Variants in ANKRD24 observed in about 807,000 individuals in gnomAD.
The protein encoded by ANKRD24 is ankyrin repeat domain 24.
ANKRD24 carries 109 observed loss-of-function variants against 127.8 expected under a neutral mutation model. That is an observed-to-expected ratio of 0.85 (90% CI 0.73 to 1.00). The LOEUF is 1.00. Ranked by LOEUF, ANKRD24 falls within the 50% of genes least tolerant of loss-of-function variation. The pLI is 0.00. For missense variants in ANKRD24, 1,648 were observed against 1,570.2 expected (o/e 1.05, Z -0.84); for synonymous variants, 743 against 671.1 (o/e 1.11, Z -1.66).
chr19:4,212,602 G>A lies in ANKRD24; in HGVS notation c.1101G>A (p.Val367=). 6 of 1,550,836 alleles carry A rather than the reference G, an allele frequency of 3.9e-6. No individual in the cohort carries two copies. The highest frequency in any genetic ancestry group is 5.2e-6 in the Non-Finnish European group (6 of 1,146,920). ...ASSLHILERQ[V]QELQQLLVER... ...TGAGCCTCCACTGCTGCTCCCAGGT[G>A]CAAGAGCTACAGCAGTTGCTGGTGG... The change falls in exon 15 of 22, where the codon GTG becomes GTA. Residue 367 remains valine, a splice_region_variant and synonymous_variant. Coordinates refer to ENST00000318934, the MANE Select transcript of ANKRD24 (RefSeq NM_001393985.1).
chr19:4,221,268 G>T (rs60430114), intron 19 of ANKRD24, among the ~76,000 whole-genome samples: 52,108 of 151,284 alleles, frequency 0.34, 10,186 homozygotes, highest in East Asian at 0.46. Flanking sequence ...GTAGAGACTG[G>T]GTTTCACCAT....
At chr19:4,206,415 A>G (rs1455062617) in intron 7 of ANKRD24, among the ~76,000 whole-genome samples, 1 of 151,648 alleles carries the variant, frequency 6.6e-6, no homozygotes, top group Non-Finnish European at 1.5e-5. Context: ...CAGGAGTTCA[A>G]GAAAAGCCTG....
rs1968991375 is a variant in ANKRD24, at chr19:4,199,854, A to T, written c.124-21A>T. 6.4e-7 allele frequency: 1 copy of T among 1,556,198 alleles called. No homozygotes were observed. Among genetic ancestry groups the T allele is most frequent in the African/African-American group, 1.4e-5 (1 of 73,322 alleles). ...GACAGCAGCCAACACTGCCCCACGC[A>T]CTTCTGGGCGTGCCCTGCAGAGTCA... On this transcript the variant is annotated intron_variant, in intron 3 of 21. Coordinates refer to ENST00000318934, the MANE Select transcript of ANKRD24 (RefSeq NM_001393985.1). This position sits in a 1 kb window ranked among gnomAD's most constrained non-coding sequence, Gnocchi z 5.2.
At chr19:4,210,920 G>A (rs1969700806) in intron 13 of ANKRD24, among the ~76,000 whole-genome samples, 1 of 151,610 alleles carries the variant, frequency 6.6e-6, no homozygotes, top group African/African-American at 2.4e-5. Context: ...TGCCACCTCC[G>A]CCTCCCGGGT....
At chr19:4,185,654 C>G (rs1361979457) in intron 1 of ANKRD24, among the ~76,000 whole-genome samples, 4 of 152,246 alleles carry the variant, frequency 2.6e-5, no homozygotes, top group African/African-American at 9.6e-5. Flanking sequence ...CACACACATG[C>G]ATGCAGCCAT....
intron 10 of ANKRD24, 57 bp downstream of exon 10, chr19:4,208,025 C>G: frequency 2.1e-6 from 3 of 1,409,242 alleles, no homozygotes; most frequent in Non-Finnish European, 2.8e-6. Flanking sequence ...TTGTCACTCC[C>G]CTTCTCTTTA....
chr19:4,216,513 C>G, intron 17 of ANKRD24, 37 bp from the exon 18 acceptor site: 1 of 1,573,494 alleles, frequency 6.4e-7, no homozygotes, highest in Non-Finnish European at 8.6e-7. Flanking sequence ...GTCACATCAA[C>G]TCCTGCCAGA....
At chr19:4,208,173 G>C (rs1213179911) in intron 10 of ANKRD24, among the ~76,000 whole-genome samples, 3 of 151,992 alleles carry the variant, frequency 2.0e-5, no homozygotes, top group African/African-American at 7.2e-5. Context: ...CTGCTTTCCT[G>C]GGTCATCTGT....
At position 4,222,811 on chromosome 19, in the gene ANKRD24, C is replaced by T. The variant is rs201882759; in HGVS notation, c.3297+16C>T. ...GCAGCTGCAGGTAAGGACTGGGCCA[C>T]GCAGGGGCCAGGGGACCATCAGGGT... On this transcript the variant is annotated intron_variant, in intron 20 of 21. Coordinates refer to ENST00000318934, the MANE Select transcript of ANKRD24 (RefSeq NM_001393985.1). 46 of 1,592,706 alleles carry T rather than the reference C, an allele frequency of 2.9e-5. No homozygotes were observed. Among genetic ancestry groups the T allele is most frequent in the African/African-American group, 1.1e-4 (8 of 74,530 alleles).
At position 4,223,390 on chromosome 19, in the gene ANKRD24, TA is replaced by T. The variant is rs1311194137; in HGVS notation, c.3297+596del. Among the ~76,000 whole-genome samples, 681 of 87,378 alleles carry T rather than the reference TA, an allele frequency of 7.8e-3. 5 individuals are homozygous for T. Among genetic ancestry groups the T allele is most frequent in the African/African-American group, 0.015 (248 of 16,956 alleles). 57.3% of individuals were successfully genotyped at this position (87,378 alleles called of 152,430 possible). ...GGCCATACATATATATATATATATA[TA>T]TATATATATATTTTTTTTTTTTTTT... On this transcript the variant is annotated intron_variant, in intron 20 of 21. Transcript: ENST00000318934.
chr19:4,190,939 G>A (rs1968349962), intron 2 of ANKRD24, among the ~76,000 whole-genome samples: 1 of 152,148 alleles, frequency 6.6e-6, no homozygotes, highest in Admixed American at 6.6e-5. Flanking sequence ...AGTGTGGGTG[G>A]CTAAAAAAGA....
In ANKRD24 at chr19:4,199,599, G is replaced by A; in HGVS notation, c.37-84G>A. On this transcript the variant is annotated intron_variant, in intron 2 of 21. Coordinates refer to ENST00000318934, the MANE Select transcript of ANKRD24 (RefSeq NM_001393985.1). The surrounding 1 kb of genome is among the most constrained non-coding windows in gnomAD (Gnocchi z 5.2). ...GCTTTTGTTGGACAACTGGGGTGAT[G>A]GGCCTGGGGGCAGATGCTGGGGGTC... 1.4e-6 allele frequency: 2 copies of A among 1,452,030 alleles called. No individual in the cohort carries two copies. Among genetic ancestry groups the A allele is most frequent in the South Asian group, 1.4e-5 (1 of 70,760 alleles). The allele number at this position is 1,452,030 out of a possible 1,614,324, so 89.9% of individuals were successfully genotyped here. A position where few individuals can be genotyped will look rare whatever the true frequency, so the allele number is the denominator to read the frequency against.
intron 5 of ANKRD24, among the ~76,000 whole-genome samples, chr19:4,200,696 A>G (rs1041586407): frequency 2.6e-5 from 4 of 151,920 alleles, no homozygotes; most frequent in African/African-American, 9.7e-5. Flanking sequence ...TAATTTTTCT[A>G]TTCTTAGTAG....
intron 1 of ANKRD24, chr19:4,183,297 T>C: frequency 1.0e-6 from 1 of 986,204 alleles, no homozygotes; most frequent in African/African-American, 1.7e-5. Context: ...CTGAGTATCA[T>C]CCAACTGGAG....
At position 4,195,851 on chromosome 19, in the gene ANKRD24, A is replaced by G. The variant is rs545257188; in HGVS notation, c.37-3832A>G. 2.6e-5 allele frequency among the ~76,000 whole-genome samples: 4 copies of G among 152,264 alleles called. No homozygotes were observed. The highest frequency in any genetic ancestry group is 2.1e-4 in the South Asian group (1 of 4,822). ...AGAGCTTGCAGTGAGCCGAGATCGC[A>G]CCACTGCACTCCAGCCTGGGTGGAA... On this transcript the variant is annotated intron_variant, in intron 2 of 21. Coordinates refer to ENST00000318934, the MANE Select transcript of ANKRD24 (RefSeq NM_001393985.1). This position sits in a 1 kb window ranked among gnomAD's most constrained non-coding sequence, Gnocchi z 4.2.
Position 4,217,647 on chromosome 19 carries a change from GCGGGGCCT to G in ANKRD24, c.2488_2495del (p.Arg830AlafsTer50). 7.8e-7 allele frequency: 1 copy of G among 1,285,462 alleles called. No individual in the cohort carries two copies. The highest frequency in any genetic ancestry group is 2.4e-5 in the South Asian group (1 of 42,280). 79.6% of individuals were successfully genotyped at this position (1,285,462 alleles called of 1,614,324 possible). ...GCCGGCTGCTGGCGGAGGAGGAGGC[GCGGGGCCT>G]GCGGGCCGAGCTGGCCCAGCGGGAG... On this transcript the variant is annotated frameshift_variant, in exon 18 of 22. Transcript: ENST00000318934. LOFTEE classifies it high-confidence loss of function.
Position 4,198,208 on chromosome 19 carries a change from C to G in ANKRD24, c.37-1475C>G. 1 of 572,566 alleles carries G rather than the reference C, an allele frequency of 1.7e-6. No individual in the cohort carries two copies. Among genetic ancestry groups the G allele is most frequent in the South Asian group, 2.0e-5 (1 of 49,164 alleles). 35.5% of individuals were successfully genotyped at this position (572,566 alleles called of 1,614,324 possible). On this transcript the variant is annotated intron_variant, in intron 2 of 21. Transcript: ENST00000318934. This position sits in a 1 kb window ranked among gnomAD's most constrained non-coding sequence, Gnocchi z 6.1. ...CGCCGCGTCCTCCTCATCCTCCAGGCGACAAGGTCAGGAGGGGCCGGGGCG... is the reference window on the plus strand; with the variant it reads ...CGCCGCGTCCTCCTCATCCTCCAGGGGACAAGGTCAGGAGGGGCCGGGGCG...
chr19:4,189,640 C>G (rs1416438452), intron 2 of ANKRD24, among the ~76,000 whole-genome samples: 1 of 152,020 alleles, frequency 6.6e-6, no homozygotes, highest in Non-Finnish European at 1.5e-5. Flanking sequence ...CCCGCTTCAG[C>G]CAAGTAGCTG....
chr19:4,213,041 G>C (rs1455604432), intron 15 of ANKRD24, among the ~76,000 whole-genome samples: 2 of 152,172 alleles, frequency 1.3e-5, no homozygotes, highest in Non-Finnish European at 2.9e-5. Context: ...TGAGGCAGGA[G>C]AATCACTTGA....
Sources: gnomAD v4.1 joint callset for allele counts (sites outside exome capture counted in the v4.1 genomes callset) on GRCh38, gnomAD v4.1.1 for gene constraint, Gnocchi (gnomAD v3.1) non-coding constraint, MANE v1.5 for transcripts, NCBI Gene and HGNC (gene_info 2026-07-23, HGNC 2026-07-21) for gene names.